The following MAGI1 variants were observed in gnomAD, a reference collection of about 807,000 sequenced individuals.
MAGI1 encodes membrane-associated guanylate kinase, WW and PDZ domain-containing protein 1.
In MAGI1, 58 loss-of-function variants were observed where a neutral mutation model predicts 139.9. The ratio of observed to expected loss-of-function variants is 0.41; its 90% confidence interval spans 0.34 to 0.52. The LOEUF is 0.52. MAGI1 is among the 20% of genes least tolerant of loss of function. The pLI is 0.12. For synonymous variants in MAGI1, 812 were observed against 737.9 expected (o/e 1.10, Z -1.63); for missense variants, 1,874 against 1,901.6 (o/e 0.99, Z 0.27).
chr3:65,401,369 C>CCCGG, intron 13 of MAGI1, 70 bp downstream of exon 13: 22 of 1,187,574 alleles, frequency 1.9e-5, no homozygotes, highest in South Asian at 1.3e-5. Context: ...ACACAGAGTA[C>CCCGG]CCTCCCACCT....
intron 2 of MAGI1, among the ~76,000 whole-genome samples, chr3:65,605,464 T>C (rs563160127): frequency 6.6e-6 from 1 of 152,278 alleles, no homozygotes; most frequent in South Asian, 2.1e-4. Flanking sequence ...GAGTATGATA[T>C]GAAAGTAATT....
chr3:65,570,744 T>C (rs969480042), intron 2 of MAGI1, among the ~76,000 whole-genome samples: 2 of 152,232 alleles, frequency 1.3e-5, no homozygotes, highest in African/African-American at 4.8e-5. Flanking sequence ...ATTGCACCAT[T>C]CTTTTGACTT....
chr3:65,516,342 G>A (rs1283724049), intron 2 of MAGI1, among the ~76,000 whole-genome samples: 1 of 151,990 alleles, frequency 6.6e-6, no homozygotes, highest in Non-Finnish European at 1.5e-5. Flanking sequence ...ACCCCACCCG[G>A]CTAATTTCTG....
intron 2 of MAGI1, among the ~76,000 whole-genome samples, chr3:65,518,861 G>T (rs771132891): frequency 2.0e-5 from 3 of 152,130 alleles, no homozygotes; most frequent in Non-Finnish European, 4.4e-5. Context: ...TAGTAAATAT[G>T]CAATATGTCA....
chr3:65,631,595 T>C (rs1412855566), intron 1 of MAGI1, among the ~76,000 whole-genome samples: 3 of 152,150 alleles, frequency 2.0e-5, no homozygotes, highest in South Asian at 4.1e-4. Context: ...GCACAAAAAA[T>C]GTTTAAGGCC....
intron 1 of MAGI1, among the ~76,000 whole-genome samples, chr3:65,886,260 T>C (rs191846067): frequency 1.3e-5 from 2 of 152,332 alleles, no homozygotes; most frequent in East Asian, 1.9e-4. Context: ...CAAGATTATA[T>C]GTTGTATTTT....
intron 2 of MAGI1, among the ~76,000 whole-genome samples, chr3:65,608,215 G>A (rs1009616013): frequency 1.3e-5 from 2 of 152,212 alleles, no homozygotes; most frequent in Non-Finnish European, 2.9e-5. Flanking sequence ...GGTGAGACAG[G>A]CGGATCACCT....
chr3:65,369,850 G>A (rs1343537627), intron 18 of MAGI1, among the ~76,000 whole-genome samples: 2 of 152,164 alleles, frequency 1.3e-5, no homozygotes, highest in Admixed American at 6.5e-5. Flanking sequence ...ACCACTCTGA[G>A]TTAAGACCTT....
chr3:65,726,256 A>C (rs1210111676), intron 1 of MAGI1, among the ~76,000 whole-genome samples: 1 of 152,188 alleles, frequency 6.6e-6, no homozygotes, highest in Non-Finnish European at 1.5e-5. Context: ...TTTATATAAA[A>C]CACCTTGGCT....
At chr3:65,527,553 G>A (rs1047644035) in intron 2 of MAGI1, among the ~76,000 whole-genome samples, 67 of 152,018 alleles carry the variant, frequency 4.4e-4, no homozygotes, top group Admixed American at 2.0e-3. Context: ...GTGAAACCCC[G>A]TCTCTACTAA....
chr3:65,818,522 A>G (rs1206964635), intron 1 of MAGI1, among the ~76,000 whole-genome samples: 1 of 152,218 alleles, frequency 6.6e-6, no homozygotes, highest in African/African-American at 2.4e-5. Context: ...AATCCACGTT[A>G]GCCACAGAAG....
chr3:65,808,545 G>T (rs1484318096), intron 1 of MAGI1, among the ~76,000 whole-genome samples: 7 of 152,076 alleles, frequency 4.6e-5, no homozygotes, highest in Non-Finnish European at 8.8e-5. Context: ...AATGAAACTG[G>T]TCTGACTGCT....
chr3:65,595,968 C>A (rs984460217), intron 2 of MAGI1, among the ~76,000 whole-genome samples: 2 of 152,134 alleles, frequency 1.3e-5, no homozygotes, highest in African/African-American at 4.8e-5. Context: ...ATGGAGGAAT[C>A]GAGTCTCTGT....
intron 1 of MAGI1, among the ~76,000 whole-genome samples, chr3:65,946,325 T>C (rs1455753750): frequency 6.6e-6 from 1 of 152,244 alleles, no homozygotes; most frequent in Non-Finnish European, 1.5e-5. Context: ...TCTTGTGGGC[T>C]ATTGACGCTG....
chr3:65,638,808 T>G (rs552213346), intron 1 of MAGI1, among the ~76,000 whole-genome samples: 106 of 152,040 alleles, frequency 7.0e-4, no homozygotes, highest in African/African-American at 2.5e-3. Context: ...GGTTTCACCA[T>G]GTTGGCCAGG....
At chr3:65,546,014 A>ACACACACACACACACT (rs34391171) in intron 2 of MAGI1, among the ~76,000 whole-genome samples, 79 of 151,354 alleles carry the variant, frequency 5.2e-4, no homozygotes, top group African/African-American at 1.7e-3. Flanking sequence ...ACACACACAC[A>ACACACACACACACACT]CTCTCAAACT....
intron 1 of MAGI1, among the ~76,000 whole-genome samples, chr3:65,974,430 G>GATGGATGGATGC: frequency 6.6e-6 from 1 of 151,658 alleles, no homozygotes; most frequent in Non-Finnish European, 1.5e-5. Flanking sequence ...TGGATGGATG[G>GATGGATGGATGC]ATGGATGCAT....
At chr3:65,396,447 A>G (rs2107057780) in intron 13 of MAGI1, among the ~76,000 whole-genome samples, 1 of 152,332 alleles carries the variant, frequency 6.6e-6, no homozygotes, top group Middle Eastern at 3.4e-3. Context: ...TCCCTTACTT[A>G]CTGTCAGGCC....
chr3:65,843,641 C>T (rs1047459430), intron 1 of MAGI1, among the ~76,000 whole-genome samples: 6 of 152,156 alleles, frequency 3.9e-5, no homozygotes, highest in African/African-American at 1.4e-4. Flanking sequence ...TTCTAGAGGA[C>T]CCCTTCTTCA....
Sources: gnomAD v4.1 joint callset for allele counts (sites outside exome capture counted in the v4.1 genomes callset) on GRCh38, gnomAD v4.1.1 for gene constraint, MANE v1.5 for transcripts, NCBI Gene and HGNC (gene_info 2026-07-23, HGNC 2026-07-21) for gene names.